The following DYNC1I1 variants were observed in gnomAD, a reference collection of about 807,000 sequenced individuals.
The protein encoded by DYNC1I1 is cytoplasmic dynein 1 intermediate chain 1.
A neutral mutation model predicts 86.6 loss-of-function variants in DYNC1I1; 43 were observed. The observed-to-expected ratio is 0.50, with a 90% CI of 0.39 to 0.64. The LOEUF (loss-of-function observed/expected upper bound fraction) is 0.64, where lower values mean the gene tolerates loss of function less well. Among genes scored for constraint, DYNC1I1 ranks in the 30% least tolerant of loss-of-function variants. DYNC1I1 has a pLI of 0.00. For synonymous variants in DYNC1I1, 262 were observed against 283.7 expected (o/e 0.92, Z 0.77); for missense variants, 604 against 788.8 (o/e 0.77, Z 2.81).
At chr7:96,043,974 C>T (rs1789134813) in intron 14 of DYNC1I1, among the ~76,000 whole-genome samples, 1 of 152,150 alleles carries the variant, frequency 6.6e-6, no homozygotes, top group Non-Finnish European at 1.5e-5. Flanking sequence ...TCCCAAAGTG[C>T]TGGGATTACA....
chr7:95,870,019 A>G, intron 6 of DYNC1I1, 21 bp downstream of exon 6: 1 of 1,593,366 alleles, frequency 6.3e-7, no homozygotes, highest in Non-Finnish European at 8.6e-7. Context: ...TCTTTGGCTT[A>G]CTTTCCATAT....
chr7:95,774,266 A>G (rs1428442559), intron 1 of DYNC1I1, among the ~76,000 whole-genome samples: 1 of 152,124 alleles, frequency 6.6e-6, no homozygotes, highest in East Asian at 1.9e-4. Context: ...TTTCTGGCCC[A>G]CAGCATCTCA....
intron 4 of DYNC1I1, among the ~76,000 whole-genome samples, chr7:95,820,160 A>G (rs2115881009): frequency 6.6e-6 from 1 of 152,352 alleles, no homozygotes; most frequent in Admixed American, 6.5e-5. Flanking sequence ...CTTTTTAAAA[A>G]GAGCCTGATA....
chr7:95,960,075 GT>G (rs1471659728), intron 6 of DYNC1I1, among the ~76,000 whole-genome samples: 1 of 152,102 alleles, frequency 6.6e-6, no homozygotes, highest in Non-Finnish European at 1.5e-5. Flanking sequence ...TGGCCTTTAT[GT>G]TTTTTGTGAA....
chr7:95,960,981 T>G (rs2116508489), intron 6 of DYNC1I1, among the ~76,000 whole-genome samples: 1 of 152,348 alleles, frequency 6.6e-6, no homozygotes, highest in East Asian at 1.9e-4. Flanking sequence ...TGGGTCACAG[T>G]GGCTTGGCTG....
chr7:95,940,291 T>A (rs1792170349), intron 6 of DYNC1I1, among the ~76,000 whole-genome samples: 1 of 151,392 alleles, frequency 6.6e-6, no homozygotes, highest in Non-Finnish European at 1.5e-5. Context: ...GTTGCTCTTC[T>A]CGAGGAGTAT....
chr7:95,843,736 A>G (rs1789352056), intron 5 of DYNC1I1, among the ~76,000 whole-genome samples: 1 of 152,206 alleles, frequency 6.6e-6, no homozygotes, highest in Admixed American at 6.5e-5. Context: ...TTGTAAATAA[A>G]ATGAGAAAAT....
At chr7:95,913,850 T>C (rs1201831637) in intron 6 of DYNC1I1, among the ~76,000 whole-genome samples, 3 of 152,220 alleles carry the variant, frequency 2.0e-5, no homozygotes, top group Non-Finnish European at 4.4e-5. Context: ...TTTGCATTAA[T>C]ATCAGAGTAT....
At chr7:95,950,848 A>G (rs1277200775) in intron 6 of DYNC1I1, among the ~76,000 whole-genome samples, 1 of 152,228 alleles carries the variant, frequency 6.6e-6, no homozygotes, top group Non-Finnish European at 1.5e-5. Context: ...AATTAGCCAC[A>G]CATGGGATAA....
At chr7:95,919,514 G>A in intron 6 of DYNC1I1, among the ~76,000 whole-genome samples, 1 of 152,138 alleles carries the variant, frequency 6.6e-6, no homozygotes, top group Non-Finnish European at 1.5e-5. Context: ...GTAAAACAAA[G>A]TAAAAGAGAA....
intron 6 of DYNC1I1, among the ~76,000 whole-genome samples, chr7:95,897,670 G>T (rs899571033): frequency 4.6e-5 from 7 of 151,886 alleles, no homozygotes; most frequent in African/African-American, 1.7e-4. Flanking sequence ...TCTGCTTGCT[G>T]TGCAGAGCAG....
intron 1 of DYNC1I1, among the ~76,000 whole-genome samples, chr7:95,789,924 C>T (rs1039887460): frequency 6.6e-6 from 1 of 152,190 alleles, no homozygotes; most frequent in Admixed American, 6.5e-5. Flanking sequence ...TTACCATGTG[C>T]AGTACATTCT....
At chr7:95,819,343 T>C (rs1488915476) in intron 4 of DYNC1I1, among the ~76,000 whole-genome samples, 1 of 152,202 alleles carries the variant, frequency 6.6e-6, no homozygotes, top group Non-Finnish European at 1.5e-5. Context: ...CCTGTCTGCA[T>C]GTAGTTACTA....
At chr7:95,810,716 T>A (rs532789204) in intron 3 of DYNC1I1, among the ~76,000 whole-genome samples, 1 of 152,260 alleles carries the variant, frequency 6.6e-6, no homozygotes, top group East Asian at 1.9e-4. Flanking sequence ...GTCAGTAGTT[T>A]GGGGCTTACT....
At chr7:95,802,955 T>C (rs1794616532) in intron 1 of DYNC1I1, among the ~76,000 whole-genome samples, 1 of 152,182 alleles carries the variant, frequency 6.6e-6, no homozygotes, top group Non-Finnish European at 1.5e-5. Context: ...CCAGTCCCAA[T>C]TTTACCTATT....
intron 5 of DYNC1I1, among the ~76,000 whole-genome samples, chr7:95,843,089 G>A (rs1789332506): frequency 6.6e-6 from 1 of 152,088 alleles, no homozygotes; most frequent in African/African-American, 2.4e-5. Flanking sequence ...TCTACACATT[G>A]CCCCATAAAT....
downstream of DYNC1I1, among the ~76,000 whole-genome samples, chr7:96,102,601 A>G (rs1354728800): frequency 6.6e-6 from 1 of 152,202 alleles, no homozygotes; most frequent in Non-Finnish European, 1.5e-5. Context: ...TGGTGCATCT[A>G]CTAATTGGCA....
chr7:96,034,088 C>T (rs552913308), intron 12 of DYNC1I1, among the ~76,000 whole-genome samples: 2 of 151,964 alleles, frequency 1.3e-5, no homozygotes, highest in Non-Finnish European at 2.9e-5. Context: ...CTGTGAAGAA[C>T]CAACCTCCTT....
chr7:95,862,506 A>G (rs1789913279), intron 5 of DYNC1I1, among the ~76,000 whole-genome samples: 1 of 152,258 alleles, frequency 6.6e-6, no homozygotes, highest in African/African-American at 2.4e-5. Context: ...AAAGTGAGAT[A>G]TCACTTCATA....
Sources: gnomAD v4.1 joint callset for allele counts (sites outside exome capture counted in the v4.1 genomes callset) on GRCh38, gnomAD v4.1.1 for gene constraint, MANE v1.5 for transcripts, NCBI Gene and HGNC (gene_info 2026-07-23, HGNC 2026-07-21) for gene names.